The following ATP9A variants were observed in gnomAD, a reference collection of about 807,000 sequenced individuals.
ATP9A encodes probable phospholipid-transporting ATPase IIA.
Under a neutral mutation model 144.1 loss-of-function variants are expected in ATP9A, and 52 were observed. The ratio of observed to expected loss-of-function variants is 0.36; its 90% CI spans 0.29 to 0.45. The LOEUF is 0.45. Among genes scored for constraint, ATP9A ranks in the 20% least tolerant of loss-of-function variants. The probability of loss-of-function intolerance (pLI) is 1.00; values close to 1 mark genes in which losing one functional copy is unlikely to be tolerated. For synonymous variants in ATP9A, 582 were observed against 557.4 expected, an observed-to-expected ratio of 1.04 and a Z score of -0.62; for missense variants, 947 against 1,392.7, an observed-to-expected ratio of 0.68 and a Z score of 5.09.
intron 9 of ATP9A, among the ~76,000 whole-genome samples, chr20:51,681,836 C>T (rs991955159): frequency 3.9e-5 from 6 of 152,178 alleles, no homozygotes; most frequent in Admixed American, 3.3e-4. Flanking sequence ...CGAACAGGTG[C>T]GCTCTTGCTG....
intron 15 of ATP9A, among the ~76,000 whole-genome samples, chr20:51,634,662 C>T (rs958684242): frequency 1.3e-5 from 2 of 151,960 alleles, no homozygotes; most frequent in Non-Finnish European, 2.9e-5. Flanking sequence ...TCGAGACCAG[C>T]CTGGCCAACA....
At chr20:51,649,987 C>A (rs973455281) in intron 14 of ATP9A, among the ~76,000 whole-genome samples, 10 of 151,682 alleles carry the variant, frequency 6.6e-5, no homozygotes, top group Admixed American at 1.3e-4. Context: ...AATTGCACTG[C>A]AGAAGCAGGG....
chr20:51,612,981 A>G (rs2077190314), intron 23 of ATP9A, among the ~76,000 whole-genome samples: 1 of 152,166 alleles, frequency 6.6e-6, no homozygotes, highest in South Asian at 2.1e-4. Flanking sequence ...GAGTGTATCA[A>G]GAAGGTACTC....
At chr20:51,649,887 T>A (rs1460703072) in intron 14 of ATP9A, among the ~76,000 whole-genome samples, 1 of 137,054 alleles carries the variant, frequency 7.3e-6, no homozygotes, top group Non-Finnish European at 1.5e-5. Flanking sequence ...CACTCCAGCC[T>A]GGGCAGCAGA....
chr20:51,646,122 A>C (rs113827098), intron 14 of ATP9A, among the ~76,000 whole-genome samples: 7 of 152,358 alleles, frequency 4.6e-5, no homozygotes, highest in African/African-American at 1.7e-4. Flanking sequence ...AAAGGGGCAG[A>C]GCCCACACCT....
At chr20:51,744,736 G>C (rs562660229) in intron 1 of ATP9A, among the ~76,000 whole-genome samples, 1 of 152,324 alleles carries the variant, frequency 6.6e-6, no homozygotes, top group South Asian at 2.1e-4. Flanking sequence ...AATATTTGCT[G>C]AATTGTCTGC....
chr20:51,671,591 G>A (rs562411576), intron 11 of ATP9A, among the ~76,000 whole-genome samples: 14 of 151,980 alleles, frequency 9.2e-5, no homozygotes, highest in African/African-American at 3.4e-4. Context: ...TTTAATTGTG[G>A]TAAAATATAC....
At position 51,768,302 on chromosome 20, in the gene ATP9A, C is replaced by T; in HGVS notation, c.68G>A (p.Gly23Glu). The part of the protein sequence containing the change: ...KKRMDSRPRA[G>E]CCEWLRCCGG... The stretch of plus-strand genomic sequence containing the variant: ...AAAACACGGGCCCAGGCCCACTCAC[C>T]CGGCGCGGGGCCTGCTGTCCATCCG... The change falls in exon 1 of 28, where the codon GGG becomes GAG. Residue 23 changes from glycine to glutamate, a missense_variant and splice_region_variant. By Grantham distance (98) the Gly-to-Glu change is moderately conservative. Around this residue, in one of 2 missense-constraint regions of ATP9A, gnomAD observed 770 missense variants for 1,047.9 expected, o/e 0.73. Transcript: ENST00000338821. The T allele has an allele frequency of 7.7e-7, 1 of 1,295,670 alleles. No individual in the cohort carries two copies. The highest frequency in any genetic ancestry group is 9.9e-7 in the Non-Finnish European group (1 of 1,012,772). The allele number at this position is 1,295,670 out of a possible 1,614,324, so 80.3% of individuals were successfully genotyped here. A position where few individuals can be genotyped will look rare whatever the true frequency, so the allele number is the denominator to read the frequency against.
chr20:51,607,730 A>T, intron 25 of ATP9A, 146 bp from the exon 26 acceptor site: 1 of 615,706 alleles, frequency 1.6e-6, no homozygotes, highest in Admixed American at 2.8e-5. Context: ...ATCTGAACAC[A>T]TTGGAGGAAT....
At chr20:51,724,796 C>A (rs1328176560) in intron 3 of ATP9A, among the ~76,000 whole-genome samples, 1 of 152,208 alleles carries the variant, frequency 6.6e-6, no homozygotes, top group African/African-American at 2.4e-5. Context: ...CTCGGTTCTG[C>A]TACACATCGC....
At position 51,605,094 on chromosome 20, in the gene ATP9A, C is replaced by T. The variant is rs907368365; in HGVS notation, c.2804-74G>A. The T allele has an allele frequency of 1.1e-5, 15 of 1,332,416 alleles. No individual in the cohort carries two copies. In the African/African-American group the frequency reaches 1.5e-4, roughly 13 times the overall value. The allele number at this position is 1,332,416 out of a possible 1,614,324, so 82.5% of individuals were successfully genotyped here. Reference sequence around the variant, plus strand: ...GTGCGCTGCTCGCCTACACCTGGCTCCTTTCCGCAGTTTTCATTTAGACAT... The same window carrying T: ...GTGCGCTGCTCGCCTACACCTGGCTTCTTTCCGCAGTTTTCATTTAGACAT... On this transcript the variant is annotated intron_variant, in intron 26 of 27. Transcript: ENST00000338821.
intron 13 of ATP9A, among the ~76,000 whole-genome samples, chr20:51,663,193 T>C (rs1418544135): frequency 6.6e-6 from 1 of 152,178 alleles, no homozygotes; most frequent in Admixed American, 6.5e-5. Context: ...TGGTCAACTC[T>C]AGTTAAAAAA....
chr20:51,738,873 G>A (rs962133724), intron 1 of ATP9A, among the ~76,000 whole-genome samples: 1 of 152,178 alleles, frequency 6.6e-6, no homozygotes, highest in Admixed American at 6.5e-5. Flanking sequence ...ACTTGAGGTA[G>A]GAGTTCGAGA....
intron 1 of ATP9A, among the ~76,000 whole-genome samples, chr20:51,753,850 T>C (rs1382346479): frequency 5.3e-5 from 8 of 151,056 alleles, no homozygotes; most frequent in Admixed American, 1.3e-4. Context: ...TTTTTTTTTT[T>C]CCAGTAGAGA....
chr20:51,739,130 G>A (rs2077774493), intron 1 of ATP9A, among the ~76,000 whole-genome samples: 1 of 152,068 alleles, frequency 6.6e-6, no homozygotes, highest in South Asian at 2.1e-4. Context: ...AGCCCCACCT[G>A]CACTTGGAAG....
At position 51,713,088 on chromosome 20, in the gene ATP9A, C is replaced by G. The variant is rs1293250861; in HGVS notation, c.328-14G>C. On this transcript the variant is annotated splice_polypyrimidine_tract_variant and intron_variant, in intron 3 of 27. Coordinates refer to ENST00000338821, the MANE Select transcript of ATP9A (RefSeq NM_006045.3). ...CAGCACGAAGCCCTGCAGAGACAGA[C>G]GACAGTGAGTCTTGCTACAGGCAGT... 6.3e-7 allele frequency: 1 copy of G among 1,599,894 alleles called. No homozygotes were observed. The highest frequency in any genetic ancestry group is 8.5e-7 in the Non-Finnish European group (1 of 1,173,466).
At chr20:51,673,251 A>G (rs1024643629) in intron 11 of ATP9A, among the ~76,000 whole-genome samples, 1 of 152,026 alleles carries the variant, frequency 6.6e-6, no homozygotes, top group Admixed American at 6.6e-5. Context: ...GCAGGAGCCT[A>G]TAATTCCAGC....
chr20:51,598,028 T>G lies in ATP9A; in HGVS notation c.*3183A>C, dbSNP rs2077126594. Reference sequence around the variant, plus strand: ...CTTTAAGATGCGCCCTTGGGATGCCTTCCAAGCAGCTGGAGTTAGTGCCAC... The same window carrying G: ...CTTTAAGATGCGCCCTTGGGATGCCGTCCAAGCAGCTGGAGTTAGTGCCAC... On this transcript the variant is annotated 3_prime_UTR_variant, in exon 28 of 28. Transcript: ENST00000338821. The G allele has an allele frequency of 6.6e-6, 1 of 151,984 alleles. No individual in the cohort carries two copies. The allele number at this position is 151,984 out of a possible 1,614,324, so 9.4% of individuals were successfully genotyped here. A position where few individuals can be genotyped will look rare whatever the true frequency, so the allele number is the denominator to read the frequency against.
intron 7 of ATP9A, among the ~76,000 whole-genome samples, chr20:51,692,231 C>T (rs180856915): frequency 2.0e-5 from 3 of 152,306 alleles, no homozygotes; most frequent in Non-Finnish European, 2.9e-5. Flanking sequence ...CACTTAAAAA[C>T]GGTTAGGACG....
Sources: allele counts gnomAD v4.1 joint callset (sites outside exome capture counted in the v4.1 genomes callset), GRCh38; gene constraint gnomAD v4.1.1; regional missense constraint gnomAD v4.1.1; transcripts MANE v1.5; gene names NCBI Gene and HGNC (gene_info 2026-07-23, HGNC 2026-07-21).